BMI1: variants seen among roughly 807,000 people sequenced by gnomAD.
BMI1 encodes the protein BMI1 proto-oncogene, polycomb ring finger.
A neutral mutation model predicts 39.1 loss-of-function variants in BMI1; 9 were observed. That is an observed-to-expected ratio of 0.23 (90% CI 0.14 to 0.40). The LOEUF is 0.40. Ranked by LOEUF, BMI1 falls within the 10% of genes least tolerant of loss-of-function variation. The pLI is 1.00. For synonymous variants in BMI1, 131 were observed against 127.9 expected (o/e 1.02, Z -0.16); for missense variants, 252 against 390.8 (o/e 0.64, Z 2.99).
At chr10:22,325,806 G>GC (rs1221688118) in intron 1 of BMI1, 11 of 151,970 alleles carry the variant, frequency 7.2e-5, no homozygotes, top group Admixed American at 7.2e-4. Context: ...CGCCGGATCC[G>GC]CCCCTCGCAT....
intron 1 of BMI1, among the ~76,000 whole-genome samples, chr10:22,325,213 G>A (rs1206449986): frequency 6.6e-6 from 1 of 152,200 alleles, no homozygotes; most frequent in Non-Finnish European, 1.5e-5. Context: ...AGAGAAGGAA[G>A]TTTTAAAGAG....
Position 22,329,548 on chromosome 10 carries a change from G to A in BMI1, c.*6G>A. 6.2e-7 allele frequency: 1 copy of A among 1,610,676 alleles called. No individual in the cohort carries two copies. Among genetic ancestry groups the A allele is most frequent in the Non-Finnish European group, 8.5e-7 (1 of 1,178,094 alleles). On this transcript the variant is annotated 3_prime_UTR_variant, in exon 10 of 10. Transcript: ENST00000376663. The stretch of plus-strand genomic sequence containing the variant: ...CAGCAACTTCTTCTGGTTGATACCT[G>A]AGACTGTTAAGGAAAAAAATTTTAA...
chr10:22,331,080 C>T lies in BMI1; in HGVS notation c.*1538C>T, dbSNP rs562210717. On this transcript the variant is annotated 3_prime_UTR_variant, in exon 10 of 10. Transcript: ENST00000376663. ...ATTACTTTTACATATATTGCTGTTA[C>T]TTCTGCTTTCTTTAAAAATATAGTA... 3.3e-5 allele frequency: 5 copies of T among 152,646 alleles called. No individual in the cohort carries two copies. Among genetic ancestry groups the T allele is most frequent in the African/African-American group, 1.2e-4 (5 of 41,554 alleles). The allele number at this position is 152,646 out of a possible 1,614,324, so 9.5% of individuals were successfully genotyped here.
rs368898842 is a variant in BMI1 at position 22,329,064 on chromosome 10, A to G, written c.587A>G (p.Glu196Gly). Reference protein sequence around the residue: ...PNTFQIDVMYEEEPLKDYYTL... With the variant: ...PNTFQIDVMYGEEPLKDYYTL... ...TTTCACTAGATTGATGTCATGTATG[A>G]GGAGGAACCTTTAAAGGATTATTAT... The change falls in exon 9 of 10, where the codon GAG becomes GGG. Residue 196 changes from glutamate to glycine, a missense_variant. Around this residue, in one of 4 missense-constraint regions of BMI1, gnomAD observed 27 missense variants for 77.4 expected, o/e 0.35. Transcript: ENST00000376663. 2 of 1,607,720 alleles carry G rather than the reference A, an allele frequency of 1.2e-6. No individual in the cohort carries two copies. Among genetic ancestry groups the G allele is most frequent in the African/African-American group, 2.7e-5 (2 of 74,668 alleles).
intron 7 of BMI1, 127 bp downstream of exon 7, chr10:22,328,306 A>C (rs1050950370): frequency 1.9e-5 from 21 of 1,084,796 alleles, no homozygotes; most frequent in Admixed American, 3.3e-5. Flanking sequence ...TTAATGTTTA[A>C]GAAAGGTCTA....
intron 1 of BMI1, among the ~76,000 whole-genome samples, chr10:22,323,854 AATCTT>A (rs1304498863): frequency 6.6e-6 from 1 of 152,252 alleles, no homozygotes; most frequent in East Asian, 1.9e-4. Flanking sequence ...TTGTTTCTCA[AATCTT>A]ATCAAGCACG....
At chr10:22,327,900 TTTA>T in intron 5 of BMI1, 47 bp from the exon 6 acceptor site, 1 of 1,580,502 alleles carries the variant, frequency 6.3e-7, no homozygotes, top group Non-Finnish European at 8.6e-7. Flanking sequence ...ATATATAAAA[TTTA>T]TTAGGCATCT....
At position 22,329,338 on chromosome 10, in the gene BMI1, C is replaced by T; in HGVS notation, c.777C>T (p.Asn259=). The T allele has an allele frequency of 6.2e-7, 1 of 1,614,168 alleles. No homozygotes were observed. The highest frequency in any genetic ancestry group is 2.2e-5 in the East Asian group (1 of 44,886). The change falls in exon 10 of 10, where the codon AAC becomes AAT. Residue 259 remains asparagine (N), a synonymous_variant. Coordinates refer to ENST00000376663, the MANE Select transcript of BMI1 (RefSeq NM_005180.9). ...LESDSGSDKA[N]SPAGGIPSTS... is the part of the protein sequence containing the mutation. Reference sequence around the variant, plus strand: ...GTGACTCTGGGAGTGACAAGGCCAACAGCCCAGCAGGAGGTATTCCCTCCA... The same window carrying T: ...GTGACTCTGGGAGTGACAAGGCCAATAGCCCAGCAGGAGGTATTCCCTCCA...
Position 22,326,524 on chromosome 10 carries a change from C to T in BMI1, c.75C>T (p.Phe25=). ...HLMCVLCGGY[F]IDATTIIECL... is the part of the protein sequence containing the mutation. The stretch of plus-strand genomic sequence containing the variant: ...TGTGTGTGCTTTGTGGAGGGTACTT[C>T]ATTGATGCCACAACCATAATAGAAT... Residue 25 remains phenylalanine, a synonymous_variant, in exon 2 of 10, where the codon TTC becomes TTT. Coordinates refer to ENST00000376663, the MANE Select transcript of BMI1 (RefSeq NM_005180.9). 2 of 1,612,638 alleles carry T rather than the reference C, an allele frequency of 1.2e-6. No homozygotes were observed. The highest frequency in any genetic ancestry group is 1.7e-6 in the Non-Finnish European group (2 of 1,179,462).
In BMI1 at chr10:22,330,536, A is replaced by C. The variant is rs996818573; in HGVS notation, c.*994A>C. 2 of 152,206 alleles carry C rather than the reference A, an allele frequency of 1.3e-5. No homozygotes were observed. The highest frequency in any genetic ancestry group is 4.8e-5 in the African/African-American group (2 of 41,456). 9.4% of individuals were successfully genotyped at this position (152,206 alleles called of 1,614,324 possible). ...ATTGTTGCAGTGAAGAAAAACCTTT[A>C]ACTGAGAAATATGGAAACCGTCTTA... On this transcript the variant is annotated 3_prime_UTR_variant, in exon 10 of 10. Transcript: ENST00000376663.
chr10:22,329,142 C>T lies in BMI1; in HGVS notation c.651+14C>T. Reference sequence around the variant, plus strand: ...ACCTGGAGAAGGGTAAGTAGCATATCTGTTGTTAGATTATGATGGTAAACT... The same window carrying T: ...ACCTGGAGAAGGGTAAGTAGCATATTTGTTGTTAGATTATGATGGTAAACT... On this transcript the variant is annotated intron_variant, in intron 9 of 9. Transcript: ENST00000376663. The T allele has an allele frequency of 1.2e-6, 2 of 1,611,464 alleles. No homozygotes were observed. The highest frequency in any genetic ancestry group is 1.7e-6 in the Non-Finnish European group (2 of 1,179,102).
At chr10:22,326,350 T>C in intron 1 of BMI1, 81 bp from the exon 2 acceptor site, 31 of 1,563,686 alleles carry the variant, frequency 2.0e-5, no homozygotes, top group Non-Finnish European at 2.6e-5. Context: ...TTTTATAAAT[T>C]CAGTGTTTCA....
intron 1 of BMI1, chr10:22,325,947 T>A (rs907872561): frequency 2.0e-5 from 3 of 152,264 alleles, no homozygotes; most frequent in Non-Finnish European, 4.4e-5. Flanking sequence ...TCCCTGCGCG[T>A]CGCGTAAAAA....
Position 22,329,158 on chromosome 10 carries a change from A to T in BMI1, c.651+30A>T, listed in dbSNP as rs755816081. 7 of 1,610,348 alleles carry T rather than the reference A, an allele frequency of 4.3e-6. No homozygotes were observed. The Admixed American group carries it at 1.2e-4, about 27-fold the overall frequency. ...GTAGCATATCTGTTGTTAGATTATG[A>T]TGGTAAACTATATTTAAAGAATTAA... On this transcript the variant is annotated intron_variant, in intron 9 of 9. Transcript: ENST00000376663.
At position 22,321,117 on chromosome 10, in the gene BMI1, A is replaced by T. The variant is rs1460892565; in HGVS notation, c.-599A>T. On this transcript the variant is annotated 5_prime_UTR_variant, in exon 1 of 10. Transcript: ENST00000376663. The stretch of plus-strand genomic sequence containing the variant: ...CGGTGTCAGTTTCCACTCTGCCTTC[A>T]GCGGTGCATTTTTTTCCACCCTCCC... 1.3e-5 allele frequency: 2 copies of T among 149,856 alleles called. No individual in the cohort carries two copies. The highest frequency in any genetic ancestry group is 4.9e-5 in the African/African-American group (2 of 40,744). 9.3% of individuals were successfully genotyped at this position (149,856 alleles called of 1,614,324 possible).
At chr10:22,328,283 A>C in intron 7 of BMI1, 104 bp downstream of exon 7, 1 of 1,314,588 alleles carries the variant, frequency 7.6e-7, no homozygotes, top group Non-Finnish European at 1.0e-6. Context: ...TAAATAGAAG[A>C]AAATGGTCAT....
At chr10:22,321,877 C>T (rs1287647478) in intron 1 of BMI1, among the ~76,000 whole-genome samples, 181 bp downstream of exon 1, 3 of 143,410 alleles carry the variant, frequency 2.1e-5, no homozygotes, top group African/African-American at 7.5e-5. Flanking sequence ...CGCCTGCCGG[C>T]CCCGCGCGCC....
chr10:22,327,340 C>G (rs959563188), intron 3 of BMI1, among the ~76,000 whole-genome samples: 4 of 152,088 alleles, frequency 2.6e-5, no homozygotes, highest in Admixed American at 2.0e-4. Context: ...AGTTTAGTAA[C>G]TTGAAAGGCA....
At chr10:22,331,570 T>C (rs906140164), downstream of BMI1, 1 of 152,186 alleles carries the variant, frequency 6.6e-6, no homozygotes, top group African/African-American at 2.4e-5. Flanking sequence ...TCAAGTGATA[T>C]TTTTACCTTG....
Sources: gnomAD v4.1 joint callset for allele counts (sites outside exome capture counted in the v4.1 genomes callset) on GRCh38, gnomAD v4.1.1 for gene constraint, gnomAD v4.1.1 regional missense constraint, MANE v1.5 for transcripts, NCBI Gene and HGNC (gene_info 2026-07-23, HGNC 2026-07-21) for gene names.